H6PD: variants seen among roughly 807,000 people sequenced by gnomAD.
H6PD encodes GDH/6PGL endoplasmic bifunctional protein.
In H6PD, 48 loss-of-function variants were observed where a neutral mutation model predicts 61.2. The observed-to-expected ratio is 0.78, with a 90% CI of 0.62 to 1.00. H6PD has a LOEUF of 1.00. Among genes scored for constraint, H6PD ranks in the 50% least tolerant of loss-of-function variants. H6PD has a pLI of 0.00. For synonymous variants in H6PD, 480 were observed against 457.9 expected (o/e 1.05, Z -0.62); for missense variants, 1,093 against 1,065.0 (o/e 1.03, Z -0.37).
At position 9,264,478 on chromosome 1, in the gene H6PD, T is replaced by C; in HGVS notation, c.1985T>C (p.Leu662Pro). 1 of 1,613,242 alleles carries C rather than the reference T, an allele frequency of 6.2e-7. No homozygotes were observed. Among genetic ancestry groups the C allele is most frequent in the Admixed American group, 1.7e-5 (1 of 60,030 alleles). Residue 662 changes from leucine to proline, a missense_variant, in exon 5 of 5, where the codon CTC (leucine) becomes CCC (proline). By Grantham distance (98) the Leu-to-Pro change is moderately conservative. Transcript: ENST00000377403. ...HPMPVHLQQR[L>P]CAEEDQGAQI... ...ATGCCTGTGCACCTGCAGCAGCGGC[T>C]CTGCGCCGAGGAGGACCAGGGCGCC...
In H6PD at chr1:9,263,697, A is replaced by G. The variant is rs553867100; in HGVS notation, c.1204A>G (p.Ile402Val). 9.3e-6 allele frequency: 15 copies of G among 1,613,856 alleles called. No individual in the cohort carries two copies. The African/African-American group carries it at 9.3e-5, about 10-fold the overall frequency. ...QCLPRQLVFH[I>V]GHGDLGSPAV... ...CCTGCCCCGGCAGCTCGTCTTCCACATCGGCCATGGCGACCTGGGCAGCCC... is the reference window on the plus strand; with the variant it reads ...CCTGCCCCGGCAGCTCGTCTTCCACGTCGGCCATGGCGACCTGGGCAGCCC... The change falls in exon 5 of 5, where the codon ATC (isoleucine) becomes GTC (valine). Residue 402 changes from isoleucine to valine, a missense_variant. By Grantham distance (29) the Ile-to-Val change is conservative. Coordinates refer to ENST00000377403, the MANE Select transcript of H6PD (RefSeq NM_004285.4).
At chr1:9,252,837 T>C (rs1641409339) in intron 3 of H6PD, among the ~76,000 whole-genome samples, 1 of 152,192 alleles carries the variant, frequency 6.6e-6, no homozygotes, top group Admixed American at 6.5e-5. Flanking sequence ...TTTGTCATCC[T>C]CTGACCTTGG....
In H6PD at chr1:9,264,674, C is replaced by T. The variant is rs781093979; in HGVS notation, c.2181C>T (p.Arg727=). The change falls in exon 5 of 5, where the codon CGC becomes CGT. Residue 727 remains arginine, a synonymous_variant. Transcript: ENST00000377403. The stretch of plus-strand genomic sequence containing the variant: ...CCACGAGCCCCTCCCAGCCACACCG[C>T]CGCATGAGCCTTAGCCTGCCTCTCA... ...VLTTSPSQPH[R]RMSLSLPLIN... 43 of 1,613,280 alleles carry T rather than the reference C, an allele frequency of 2.7e-5. No individual in the cohort carries two copies. The highest frequency in any genetic ancestry group is 3.1e-5 in the Non-Finnish European group (36 of 1,179,992).
chr1:9,251,659 G>A (rs1414440183), intron 3 of H6PD, among the ~76,000 whole-genome samples: 1 of 152,010 alleles, frequency 6.6e-6, no homozygotes, highest in Non-Finnish European at 1.5e-5. Context: ...CTTCCAGCCT[G>A]GTGTGCCAGA....
At position 9,270,101 on chromosome 1, in the gene H6PD, G is replaced by C. The variant is rs1638700884; in HGVS notation, c.*5232G>C. Reference sequence around the variant, plus strand: ...AGCGCTTCTGTTTGCAAAGCGCTGGGGATGTGCCTGTCTCTGTGTGACCCA... The same window carrying C: ...AGCGCTTCTGTTTGCAAAGCGCTGGCGATGTGCCTGTCTCTGTGTGACCCA... On this transcript the variant is annotated 3_prime_UTR_variant, in exon 5 of 5. Transcript: ENST00000377403. The C allele has an allele frequency of 6.6e-6, 1 of 152,630 alleles. No individual in the cohort carries two copies. Among genetic ancestry groups the C allele is most frequent in the East Asian group, 1.9e-4 (1 of 5,196 alleles). 9.5% of individuals were successfully genotyped at this position (152,630 alleles called of 1,614,324 possible).
At chr1:9,235,768 G>T (rs1162777279) in intron 1 of H6PD, among the ~76,000 whole-genome samples, 1 of 151,624 alleles carries the variant, frequency 6.6e-6, no homozygotes, top group Non-Finnish European at 1.5e-5. Flanking sequence ...ACACCACCAC[G>T]CCTGGCTAAT....
At chr1:9,243,439 TC>T (rs1641057933) in intron 1 of H6PD, among the ~76,000 whole-genome samples, 1 of 152,188 alleles carries the variant, frequency 6.6e-6, no homozygotes, top group Non-Finnish European at 1.5e-5. Context: ...TTCAGTTCCT[TC>T]GTCACTGCTC....
rs972353837 is a variant in H6PD, at chr1:9,254,420, A to T, written c.745+7337A>T. ...ATAAACTGGAGCAGCCTGGCTCCAG[A>T]GACCACACTCCAGATCACAGCTCTG... On this transcript the variant is annotated intron_variant, in intron 3 of 4. Coordinates refer to ENST00000377403, the MANE Select transcript of H6PD (RefSeq NM_004285.4). This position sits in a 1 kb window ranked among gnomAD's most constrained non-coding sequence, Gnocchi z 4.6. Among the ~76,000 whole-genome samples the T allele has an allele frequency of 6.6e-6, 1 of 152,230 alleles. No homozygotes were observed. The highest frequency in any genetic ancestry group is 2.4e-5 in the African/African-American group (1 of 41,458).
intron 3 of H6PD, among the ~76,000 whole-genome samples, chr1:9,258,689 G>C (rs993162771): frequency 7.0e-6 from 1 of 143,712 alleles, no homozygotes; most frequent in Non-Finnish European, 1.5e-5. Context: ...GTGTTACATT[G>C]TTACACCAGT....
rs1641119972 is a variant in H6PD, at chr1:9,245,057, C to G, written c.123C>G (p.Tyr41Ter). The change falls in exon 2 of 5, where the codon TAC (tyrosine) becomes TAG (stop). Residue 41 changes from tyrosine to a stop codon, truncating the protein, a stop_gained. Transcript: ENST00000377403. LOFTEE classifies it high-confidence loss of function. The surrounding 1 kb of genome is among the most constrained non-coding windows in gnomAD (Gnocchi z 4.8). ...CAACTGGGGACCTGGCTAAGAAGTA[C>G]TTATGGCAGGGACTGTTCCAGCTGT... The part of the protein sequence containing the change: ...LGATGDLAKK[Y>*]LWQGLFQLYL... The G allele has an allele frequency of 6.2e-7, 1 of 1,614,080 alleles. No individual in the cohort carries two copies.
intron 3 of H6PD, among the ~76,000 whole-genome samples, 166 bp downstream of exon 3, chr1:9,247,249 T>TG (rs56110957): frequency 1 from 152,312 of 152,312 alleles, 76,156 homozygotes; most frequent in Non-Finnish European, 1. Context: ...GGGTGCCGGC[T>TG]GCAAAGCCCA....
intron 1 of H6PD, chr1:9,242,623 G>A (rs544466765): frequency 2.0e-6 from 2 of 985,480 alleles, no homozygotes; most frequent in Admixed American, 1.2e-4. Flanking sequence ...ATCCGTCACA[G>A]CTGTCTGCAG....
At position 9,262,305 on chromosome 1, in the gene H6PD, A is replaced by G. The variant is rs371976428; in HGVS notation, c.992A>G (p.His331Arg). 4 of 1,607,154 alleles carry G rather than the reference A, an allele frequency of 2.5e-6. No homozygotes were observed. Among genetic ancestry groups the G allele is most frequent in the African/African-American group, 2.7e-5 (2 of 74,802 alleles). The change falls in exon 4 of 5, where the codon CAC becomes CGC. Residue 331 changes from histidine (H) to arginine (R), a missense_variant. By Grantham distance (29) the His-to-Arg change is conservative. Transcript: ENST00000377403. ...GAGCTGCAGAAGCCAGACAGCTTCC[A>G]CAGCCTGACGCCGACCTTCGCAGGT... ...RRELQKPDSF[H>R]SLTPTFAAVL...
Position 9,244,988 on chromosome 1 carries a change from A to G in H6PD, c.54A>G (p.Gln18=), listed in dbSNP as rs1570087838. The G allele has an allele frequency of 6.2e-7, 1 of 1,614,094 alleles. No individual in the cohort carries two copies. Among genetic ancestry groups the G allele is most frequent in the Non-Finnish European group, 8.5e-7 (1 of 1,179,934 alleles). The part of the protein sequence containing the change: ...AMCLALLGCL[Q]AQELQGHVSI... ...GCTTGGCCCTTCTGGGCTGCCTGCAAGCCCAGGAGCTCCAGGGACATGTCT... is the reference window on the plus strand; with the variant it reads ...GCTTGGCCCTTCTGGGCTGCCTGCAGGCCCAGGAGCTCCAGGGACATGTCT... The change falls in exon 2 of 5, where the codon CAA becomes CAG. Residue 18 remains glutamine, a synonymous_variant. Coordinates refer to ENST00000377403, the MANE Select transcript of H6PD (RefSeq NM_004285.4).
rs1638451409 is a variant in H6PD at position 9,264,053 on chromosome 1, G to A, written c.1560G>A (p.Leu520=). 3 of 1,614,180 alleles carry A rather than the reference G, an allele frequency of 1.9e-6. No individual in the cohort carries two copies. The highest frequency in any genetic ancestry group is 1.7e-5 in the Admixed American group (1 of 60,032). ...LLDFEFSSGR[L]FFSQQQPEQL... ...ACTTTGAGTTCAGTAGCGGCCGGTT[G>A]TTCTTTTCCCAGCAGCAGCCGGAGC... The change falls in exon 5 of 5, where the codon TTG becomes TTA. Residue 520 remains leucine (L), a synonymous_variant. Transcript: ENST00000377403.
In H6PD at chr1:9,262,240, C is replaced by T. The variant is rs61745592; in HGVS notation, c.927C>T (p.Val309=). ...GGGGCCTGCAGAGGGGCAGTGCCGT[C>T]GTGGGCCAGTACCAGTCTTACAGTG... The part of the protein sequence containing the change: ...ALRGLQRGSA[V]VGQYQSYSEQ... Residue 309 remains valine (V), a synonymous_variant, in exon 4 of 5, where the codon GTC becomes GTT. Coordinates refer to ENST00000377403, the MANE Select transcript of H6PD (RefSeq NM_004285.4). 3,487 of 1,613,304 alleles carry T rather than the reference C, an allele frequency of 2.2e-3. 70 individuals carry two copies. In the African/African-American group the frequency reaches 0.04, roughly 18 times the overall value.
chr1:9,243,445 C>T (rs1242712817), intron 1 of H6PD, among the ~76,000 whole-genome samples: 1 of 152,200 alleles, frequency 6.6e-6, no homozygotes, highest in East Asian at 1.9e-4. Context: ...TCCTTCGTCA[C>T]TGCTCCCACC....
chr1:9,243,670 G>A (rs1641067719), intron 1 of H6PD, among the ~76,000 whole-genome samples: 1 of 152,174 alleles, frequency 6.6e-6, no homozygotes, highest in African/African-American at 2.4e-5. Flanking sequence ...AATACTTGGT[G>A]TGTTTGTGAC....
rs544307182 is a variant in H6PD, at chr1:9,243,212, G to T, written c.-10-1713G>T. Among the ~76,000 whole-genome samples, 7 of 152,278 alleles carry T rather than the reference G, an allele frequency of 4.6e-5. No individual in the cohort carries two copies. The South Asian group carries it at 1.4e-3, about 32-fold the overall frequency. On this transcript the variant is annotated intron_variant, in intron 1 of 4. Transcript: ENST00000377403. ...AGGCAGAGGGGGTGGTGGGAGGAGGGGGTCTGACGTCAGGGTCAAGAGGCA... is the reference window on the plus strand; with the variant it reads ...AGGCAGAGGGGGTGGTGGGAGGAGGTGGTCTGACGTCAGGGTCAAGAGGCA...
Sources: gnomAD v4.1 joint callset for allele counts (sites outside exome capture counted in the v4.1 genomes callset) on GRCh38, gnomAD v4.1.1 for gene constraint, Gnocchi (gnomAD v3.1) non-coding constraint, MANE v1.5 for transcripts, NCBI Gene and HGNC (gene_info 2026-07-23, HGNC 2026-07-21) for gene names.